TTBK2: variants seen among roughly 807,000 people sequenced by gnomAD.
TTBK2 encodes the protein tau-tubulin kinase 2.
In TTBK2, 28 loss-of-function variants were observed where a neutral mutation model predicts 110.8. That is an observed-to-expected ratio of 0.25 (90% CI 0.19 to 0.35). TTBK2 has a LOEUF of 0.35. Among genes scored for constraint, TTBK2 ranks in the 10% least tolerant of loss-of-function variants. The pLI is 1.00. For missense variants in TTBK2, 1,369 were observed against 1,500.3 expected (o/e 0.91, Z 1.45); for synonymous variants, 532 against 527.3 (o/e 1.01, Z -0.12).
intron 7 of TTBK2, among the ~76,000 whole-genome samples, chr15:42,812,828 C>T (rs1482937982): frequency 4.0e-5 from 6 of 151,276 alleles, no homozygotes; most frequent in African/African-American, 7.3e-5. Flanking sequence ...AAATAAAAAG[C>T]GCAATTATAG....
intron 2 of TTBK2, among the ~76,000 whole-genome samples, chr15:42,874,709 C>T (rs921330615): frequency 2.7e-5 from 4 of 150,802 alleles, no homozygotes; most frequent in African/African-American, 7.3e-5. Flanking sequence ...CAGAAGTGGC[C>T]GGGCGCGGTG....
At chr15:42,891,870 ACTGAGCC>A (rs1373668856) in intron 1 of TTBK2, among the ~76,000 whole-genome samples, 3 of 152,136 alleles carry the variant, frequency 2.0e-5, no homozygotes, top group Non-Finnish European at 2.9e-5. Context: ...GCTTTGTGGG[ACTGAGCC>A]CTGTAACCTG....
At chr15:42,872,494 G>T in intron 3 of TTBK2, 117 bp downstream of exon 3, 1 of 1,215,446 alleles carries the variant, frequency 8.2e-7, no homozygotes, top group Non-Finnish European at 1.2e-6. Flanking sequence ...ATTTATACCC[G>T]GCTGACACCA....
Position 42,745,870 on chromosome 15 carries a change from G to A in TTBK2, c.3660C>T (p.Gly1220=). The part of the protein sequence containing the change: ...KPSKNGLKGS[G]SLHHHSASTK... The stretch of plus-strand genomic sequence containing the variant: ...TGCTGGCTGAGTGGTGGTGGAGGCT[G>A]CCGGATCCTTTCAGGCCATTCTTGC... Residue 1220 remains glycine, a synonymous_variant, in exon 15 of 15, where the codon GGC becomes GGT. Coordinates refer to ENST00000267890, the MANE Select transcript of TTBK2 (RefSeq NM_173500.4). 3 of 1,614,172 alleles carry A rather than the reference G, an allele frequency of 1.9e-6. No homozygotes were observed. Among genetic ancestry groups the A allele is most frequent in the Non-Finnish European group, 2.5e-6 (3 of 1,180,032 alleles).
At chr15:42,838,353 GGTGTGTGTGTGT>G (rs376921873) in intron 4 of TTBK2, among the ~76,000 whole-genome samples, 1,724 of 148,028 alleles carry the variant, frequency 0.012, 28 homozygotes, top group African/African-American at 0.039. Context: ...TATAATTCAG[GGTGTGTGTGTGT>G]GTGTGTGTGT....
chr15:42,840,523 T>C lies in TTBK2; in HGVS notation c.218-90A>G, dbSNP rs1035083453. The stretch of plus-strand genomic sequence containing the variant: ...TGCTTTTCTGTATAGTGTTTTATGA[T>C]TGAATATAAAATACATCTTGAGAAC... On this transcript the variant is annotated intron_variant, in intron 3 of 14. Transcript: ENST00000267890. 9 of 1,163,476 alleles carry C rather than the reference T, an allele frequency of 7.7e-6. No homozygotes were observed. In the Admixed American group the frequency reaches 1.5e-4, roughly 20 times the overall value. 72.1% of individuals were successfully genotyped at this position (1,163,476 alleles called of 1,614,324 possible).
rs535889437 is a variant in TTBK2 at position 42,872,850 on chromosome 15, T to G, written c.70-92A>C. On this transcript the variant is annotated intron_variant, in intron 2 of 14. Transcript: ENST00000267890. ...CTCTTATATTTAGAAAATGTATAAT[T>G]TTATAATCTGTTTTTTGATAAAATA... The G allele has an allele frequency of 3.5e-6, 5 of 1,440,276 alleles. No individual in the cohort carries two copies. In the South Asian group the frequency reaches 6.7e-5, roughly 19 times the overall value. 89.2% of individuals were successfully genotyped at this position (1,440,276 alleles called of 1,614,324 possible). A position where few individuals can be genotyped will look rare whatever the true frequency, so the allele number is the denominator to read the frequency against.
intron 3 of TTBK2, among the ~76,000 whole-genome samples, chr15:42,869,958 T>C (rs1212458282): frequency 6.6e-6 from 1 of 151,950 alleles, no homozygotes; most frequent in African/African-American, 2.4e-5. Flanking sequence ...AGGAGGACAG[T>C]CTGAAGTCTG....
Position 42,897,823 on chromosome 15 carries a change from TACACACACAC to T in TTBK2, c.-67-19149_-67-19140del, listed in dbSNP as rs60880098. ...AAAACTGAACTTATACCAGTAGTGG[TACACACACAC>T]ACACACACACACACACACACACACA... On this transcript the variant is annotated intron_variant, in intron 1 of 14. Coordinates refer to ENST00000267890, the MANE Select transcript of TTBK2 (RefSeq NM_173500.4). 3.1e-3 allele frequency among the ~76,000 whole-genome samples: 442 copies of T among 140,756 alleles called. 3 individuals carry two copies. The highest frequency in any genetic ancestry group is 0.011 in the African/African-American group (404 of 37,890). The allele number at this position is 140,756 out of a possible 152,430, so 92.3% of individuals were successfully genotyped here. A position where few individuals can be genotyped will look rare whatever the true frequency, so the allele number is the denominator to read the frequency against.
chr15:42,908,690 G>A (rs2030563857), intron 1 of TTBK2, among the ~76,000 whole-genome samples: 1 of 152,140 alleles, frequency 6.6e-6, no homozygotes, highest in Non-Finnish European at 1.5e-5. Context: ...AATGTACTTT[G>A]AAAATGGTAT....
chr15:42,762,740 T>TA (rs1330874748), intron 13 of TTBK2, among the ~76,000 whole-genome samples: 2 of 150,838 alleles, frequency 1.3e-5, no homozygotes, highest in African/African-American at 4.9e-5. Context: ...AATAAATAAA[T>TA]AAAAGAAAAT....
intron 1 of TTBK2, among the ~76,000 whole-genome samples, chr15:42,892,740 T>C (rs898716183): frequency 1.5e-5 from 2 of 132,270 alleles, no homozygotes; most frequent in African/African-American, 5.8e-5. Context: ...CCGGGCACGG[T>C]GGCTCACGCC....
At chr15:42,792,664 CCA>C (rs746780760) in intron 10 of TTBK2, among the ~76,000 whole-genome samples, 1 of 152,056 alleles carries the variant, frequency 6.6e-6, no homozygotes, top group African/African-American at 2.4e-5. Context: ...TTCATCTTCC[CCA>C]CAGTTTTTCT....
At chr15:42,886,608 G>A (rs1331808667) in intron 1 of TTBK2, among the ~76,000 whole-genome samples, 3 of 151,968 alleles carry the variant, frequency 2.0e-5, no homozygotes, top group Non-Finnish European at 4.4e-5. Context: ...ATTAGATTCC[G>A]GCCCTCAAAC....
intron 1 of TTBK2, 46 bp from the exon 2 acceptor site, chr15:42,878,730 T>C (rs1446620954): frequency 1.3e-6 from 2 of 1,584,586 alleles, no homozygotes; most frequent in Non-Finnish European, 1.7e-6. Context: ...TAGGGTTAAC[T>C]AATCAACACA....
At chr15:42,791,013 AGCTAGG>A (rs1890650028) in intron 10 of TTBK2, among the ~76,000 whole-genome samples, 1 of 152,046 alleles carries the variant, frequency 6.6e-6, no homozygotes, top group Non-Finnish European at 1.5e-5. Flanking sequence ...CCTCCCGAGT[AGCTAGG>A]GCTATAGGCA....
In TTBK2 at chr15:42,829,983, A is replaced by G. The variant is rs749891788; in HGVS notation, c.387T>C (p.Ile129=). 1.2e-6 allele frequency: 2 copies of G among 1,614,178 alleles called. No individual in the cohort carries two copies. Among genetic ancestry groups the G allele is most frequent in the East Asian group, 2.2e-5 (1 of 44,874 alleles). The change falls in exon 5 of 15, where the codon ATT becomes ATC. Residue 129 remains isoleucine (I), a synonymous_variant. Coordinates refer to ENST00000267890, the MANE Select transcript of TTBK2 (RefSeq NM_173500.4). ...AGAATCCCACAGAATGAATGCTTTCAATAGACTCCAAAATCTGTCTACCCA... is the reference window on the plus strand; with the variant it reads ...AGAATCCCACAGAATGAATGCTTTCGATAGACTCCAAAATCTGTCTACCCA... ...LRLGRQILES[I]ESIHSVGFLH... is the part of the protein sequence containing the mutation.
At chr15:42,800,117 A>T (rs887184711) in intron 9 of TTBK2, among the ~76,000 whole-genome samples, 1 of 152,248 alleles carries the variant, frequency 6.6e-6, no homozygotes, top group Non-Finnish European at 1.5e-5. Context: ...TAAATAAATA[A>T]TAAAAGTCAA....
At chr15:42,903,020 G>A (rs1354880953) in intron 1 of TTBK2, among the ~76,000 whole-genome samples, 2 of 151,678 alleles carry the variant, frequency 1.3e-5, no homozygotes, top group Non-Finnish European at 2.9e-5. Flanking sequence ...AGAAAGAAAG[G>A]GAATTCTTTT....
Sources: allele counts gnomAD v4.1 joint callset (sites outside exome capture counted in the v4.1 genomes callset), GRCh38; gene constraint gnomAD v4.1.1; transcripts MANE v1.5; gene names NCBI Gene and HGNC (gene_info 2026-07-23, HGNC 2026-07-21).